CUL1: variants seen among roughly 807,000 people sequenced by gnomAD.
CUL1 encodes the protein cullin-1.
A neutral mutation model predicts 118.0 loss-of-function variants in CUL1; 24 were observed. The ratio of observed to expected loss-of-function variants is 0.20; its 90% CI spans 0.15 to 0.29. CUL1 has a LOEUF of 0.29. Among genes scored for constraint, CUL1 ranks in the 10% least tolerant of loss-of-function variants. CUL1 has a pLI of 1.00. For synonymous variants in CUL1, 332 were observed against 340.4 expected, an observed-to-expected ratio of 0.98 and a Z score of 0.27; for missense variants, 361 against 933.8, an observed-to-expected ratio of 0.39 and a Z score of 7.99.
At chr7:148,773,658 T>A (rs1463314702) in intron 9 of CUL1, among the ~76,000 whole-genome samples, 2 of 152,222 alleles carry the variant, frequency 1.3e-5, no homozygotes, top group African/African-American at 4.8e-5. Flanking sequence ...CCCCGCTGCG[T>A]GTGTCTTCTC....
At chr7:148,775,129 C>T (rs1800354924) in intron 9 of CUL1, among the ~76,000 whole-genome samples, 2 of 152,216 alleles carry the variant, frequency 1.3e-5, no homozygotes, top group South Asian at 4.1e-4. Flanking sequence ...GACGAATGTA[C>T]TACCAGCTAC....
intron 1 of CUL1, among the ~76,000 whole-genome samples, chr7:148,725,219 G>GCGCGCGCACACACACACACACACA: frequency 2.8e-4 from 39 of 140,146 alleles, no homozygotes; most frequent in South Asian, 4.8e-4. Flanking sequence ...ACACGCGCGC[G>GCGCGCGCACACACACACACACACA]CTCACACACA....
At chr7:148,757,283 T>A (rs1364595272) in intron 4 of CUL1, 133 bp downstream of exon 4, 1 of 473,234 alleles carries the variant, frequency 2.1e-6, no homozygotes, top group East Asian at 3.5e-5. Flanking sequence ...TTTCATTGTT[T>A]TATCAATAAA....
At chr7:148,728,827 C>T (rs111423846) in intron 1 of CUL1, among the ~76,000 whole-genome samples, 1 of 152,172 alleles carries the variant, frequency 6.6e-6, no homozygotes, top group Non-Finnish European at 1.5e-5. Flanking sequence ...CCTTAGTTTA[C>T]ACAGAGCTCT....
Position 148,759,289 on chromosome 7 carries a change from C to CT in CUL1, c.484-7dup, listed in dbSNP as rs34872773. 5.0e-6 allele frequency: 8 copies of CT among 1,610,122 alleles called. No homozygotes were observed. The highest frequency in any genetic ancestry group is 2.7e-5 in the African/African-American group (2 of 74,786). ...ATGGTAAAAGTATAGACATTTTGTA[C>CT]TTTTTTTTCTCCAGCTTGCATTGGT... is the stretch of plus-strand genomic sequence containing the variant. On this transcript the variant is annotated splice_polypyrimidine_tract_variant and intron_variant, in intron 4 of 21. Transcript: ENST00000325222.
chr7:148,740,812 A>G (rs1799117047), intron 2 of CUL1, among the ~76,000 whole-genome samples: 1 of 152,164 alleles, frequency 6.6e-6, no homozygotes, highest in South Asian at 2.1e-4. Flanking sequence ...CTCCACATAC[A>G]CAGAGGAAAG....
intron 2 of CUL1, among the ~76,000 whole-genome samples, chr7:148,744,396 CAGTGTGTGTGTG>C (rs1799241160): frequency 1.8e-5 from 2 of 109,444 alleles, no homozygotes; most frequent in Admixed American, 1.0e-4. Flanking sequence ...GTTGTTTCTG[CAGTGTGTGTGTG>C]TGTGTGTGTG....
intron 2 of CUL1, among the ~76,000 whole-genome samples, chr7:148,751,843 G>A (rs980564885): frequency 1.3e-5 from 2 of 152,142 alleles, no homozygotes; most frequent in East Asian, 1.9e-4. Context: ...GGCCAGACGC[G>A]GTGGCTCACG....
chr7:148,764,980 A>C (rs1180073209), intron 7 of CUL1, among the ~76,000 whole-genome samples: 4 of 152,166 alleles, frequency 2.6e-5, no homozygotes, highest in Non-Finnish European at 5.9e-5. Context: ...ACTGCCTCTT[A>C]TTGGAAATGT....
At chr7:148,727,825 TG>T (rs1584772247) in intron 1 of CUL1, among the ~76,000 whole-genome samples, 1 of 151,962 alleles carries the variant, frequency 6.6e-6, no homozygotes, top group African/African-American at 2.4e-5. Context: ...GTTGAGGTTT[TG>T]TGAGAGGCAA....
chr7:148,768,803 T>C (rs1183816755), intron 9 of CUL1, among the ~76,000 whole-genome samples: 2 of 152,230 alleles, frequency 1.3e-5, no homozygotes, highest in Non-Finnish European at 2.9e-5. Context: ...ATAGTATTTT[T>C]TTAATCCTTA....
Position 148,800,142 on chromosome 7 carries a change from CCT to C in CUL1, c.2251-359_2251-358del, listed in dbSNP as rs1010446888. 7.9e-5 allele frequency among the ~76,000 whole-genome samples: 12 copies of C among 152,180 alleles called. No homozygotes were observed. The highest frequency in any genetic ancestry group is 2.7e-4 in the African/African-American group (11 of 41,440). On this transcript the variant is annotated intron_variant, in intron 21 of 21. Coordinates refer to ENST00000325222, the MANE Select transcript of CUL1 (RefSeq NM_003592.3). This position sits in a 1 kb window ranked among gnomAD's most constrained non-coding sequence, Gnocchi z 4.6. ...CTGTTCAGGGAGTTCCCCACAGTCC[CCT>C]GTTCCCTGTTCATGGCCTCTTCTTG...
intron 2 of CUL1, among the ~76,000 whole-genome samples, chr7:148,744,307 A>G (rs537559445): frequency 6.6e-6 from 1 of 151,518 alleles, no homozygotes; most frequent in Admixed American, 6.6e-5. Flanking sequence ...CCCCTTAAAA[A>G]GTTTCTTTGT....
At position 148,759,461 on chromosome 7, in the gene CUL1, T is replaced by G; in HGVS notation, c.535-87T>G. On this transcript the variant is annotated intron_variant, in intron 5 of 21. Coordinates refer to ENST00000325222, the MANE Select transcript of CUL1 (RefSeq NM_003592.3). ...TTCGGATTATCCCATCTTACATTGT[T>G]TAGTGGCTGTGAATGTTTAAGGGAT... 2.9e-6 allele frequency: 4 copies of G among 1,403,428 alleles called. 1 individual carries two copies. In the South Asian group the frequency reaches 4.7e-5, roughly 16 times the overall value. 86.9% of individuals were successfully genotyped at this position (1,403,428 alleles called of 1,614,324 possible).
intron 2 of CUL1, among the ~76,000 whole-genome samples, chr7:148,740,304 C>T (rs552642064): frequency 1.3e-5 from 2 of 152,160 alleles, no homozygotes; most frequent in Admixed American, 6.5e-5. Context: ...ATCCACCTAC[C>T]TCGGCCTCCC....
intron 1 of CUL1, among the ~76,000 whole-genome samples, chr7:148,719,253 G>C (rs915966700): frequency 2.0e-5 from 3 of 152,110 alleles, no homozygotes; most frequent in African/African-American, 7.2e-5. Flanking sequence ...GGAGCTTGCA[G>C]TGAGCCAAGA....
rs1468135104 is a variant in CUL1 at position 148,787,188 on chromosome 7, C to T, written c.1479+68C>T. 11 of 1,535,870 alleles carry T rather than the reference C, an allele frequency of 7.2e-6. No individual in the cohort carries two copies. Among genetic ancestry groups the T allele is most frequent in the Non-Finnish European group, 7.1e-6 (8 of 1,128,350 alleles). ...TTATTAAAACAGCTCTATGGCCGAG[C>T]GCGGTGGCTCATGCCTGTAATCCCA... is the stretch of plus-strand genomic sequence containing the variant. On this transcript the variant is annotated intron_variant, in intron 13 of 21. Coordinates refer to ENST00000325222, the MANE Select transcript of CUL1 (RefSeq NM_003592.3). This position sits in a 1 kb window ranked among gnomAD's most constrained non-coding sequence, Gnocchi z 5.5.
intron 20 of CUL1, 37 bp downstream of exon 20, chr7:148,798,714 C>T (rs1801289522): frequency 1.3e-6 from 2 of 1,553,008 alleles, no homozygotes; most frequent in African/African-American, 1.4e-5. Flanking sequence ...GTGTGCTGTC[C>T]CTCACGCAGG....
chr7:148,761,602 C>T (rs1292916786), intron 7 of CUL1, among the ~76,000 whole-genome samples: 1 of 152,170 alleles, frequency 6.6e-6, no homozygotes, highest in Admixed American at 6.5e-5. Flanking sequence ...TTGTAAAGGG[C>T]TAGAAAGGAA....
Sources: allele counts gnomAD v4.1 joint callset (sites outside exome capture counted in the v4.1 genomes callset), GRCh38; gene constraint gnomAD v4.1.1; non-coding constraint Gnocchi (gnomAD v3.1); transcripts MANE v1.5; gene names NCBI Gene and HGNC (gene_info 2026-07-23, HGNC 2026-07-21).